Variants in BABAM2 observed in about 807,000 individuals in gnomAD.
BABAM2 encodes the protein BRISC and BRCA1-A complex member 2.
A neutral mutation model predicts 54.7 loss-of-function variants in BABAM2; 31 were observed. That is an observed-to-expected ratio of 0.57 (90% confidence interval 0.43 to 0.77). BABAM2 has a LOEUF of 0.77. BABAM2 is among the 30% of genes least tolerant of loss of function. BABAM2 has a pLI of 0.00. For synonymous variants in BABAM2, 167 were observed against 162.9 expected (o/e 1.03, Z -0.19); for missense variants, 364 against 455.8 (o/e 0.80, Z 1.83).
At chr2:27,888,932 T>TCC (rs1664625442), upstream of BABAM2, among the ~76,000 whole-genome samples, 2 of 152,248 alleles carry the variant, frequency 1.3e-5, no homozygotes, top group Non-Finnish European at 2.9e-5. Flanking sequence ...CTAGATTCAA[T>TCC]TTTATGCTCT....
intron 7 of BABAM2, among the ~76,000 whole-genome samples, chr2:28,236,340 ATTTCTTTTTTTTTTTCTTTT>A (rs1273968921): frequency 6.7e-6 from 1 of 149,620 alleles, no homozygotes; most frequent in Non-Finnish European, 1.5e-5. Flanking sequence ...GAAAAAAAGA[ATTTCTTTTTTTTTTTCTTTT>A]TTTCTTTTTT....
At chr2:28,203,241 C>G (rs1253341846) in intron 7 of BABAM2, among the ~76,000 whole-genome samples, 1 of 152,202 alleles carries the variant, frequency 6.6e-6, no homozygotes, top group Admixed American at 6.5e-5. Context: ...AAGAAAAGGA[C>G]TCACTTTACT....
chr2:28,019,133 G>A (rs1675069066), intron 4 of BABAM2, among the ~76,000 whole-genome samples: 1 of 152,064 alleles, frequency 6.6e-6, no homozygotes, highest in Non-Finnish European at 1.5e-5. Flanking sequence ...AGCTTTCTGA[G>A]AATGATAGCT....
chr2:27,900,760 T>G (rs1665721182), intron 2 of BABAM2, among the ~76,000 whole-genome samples: 1 of 152,148 alleles, frequency 6.6e-6, no homozygotes, highest in South Asian at 2.1e-4. Context: ...GAAATTATAG[T>G]AGGCCGGGCG....
At chr2:28,204,087 A>AT (rs1243104353) in intron 7 of BABAM2, among the ~76,000 whole-genome samples, 4 of 151,926 alleles carry the variant, frequency 2.6e-5, no homozygotes, top group South Asian at 4.2e-4. Flanking sequence ...TTCCCCTTCT[A>AT]TTTTTTTAAC....
intron 7 of BABAM2, among the ~76,000 whole-genome samples, chr2:28,189,215 A>G (rs1019667501): frequency 2.0e-5 from 3 of 151,642 alleles, no homozygotes; most frequent in Non-Finnish European, 2.9e-5. Context: ...AAAAAAAAGG[A>G]TTTCTCTTCT....
chr2:28,186,695 AGAAGC>A (rs1228566875), intron 7 of BABAM2, among the ~76,000 whole-genome samples: 4 of 152,090 alleles, frequency 2.6e-5, no homozygotes, highest in East Asian at 1.9e-4. Flanking sequence ...GAGAAAATGG[AGAAGC>A]GAAGCGAAGC....
chr2:28,111,716 C>T (rs1034768597), intron 6 of BABAM2, among the ~76,000 whole-genome samples: 1 of 152,142 alleles, frequency 6.6e-6, no homozygotes, highest in African/African-American at 2.4e-5. Context: ...TCCTCTAAGC[C>T]AGTGCTTCTT....
chr2:28,298,312 T>C, intron 10 of BABAM2, 26 bp from the exon 11 acceptor site: 1 of 1,607,630 alleles, frequency 6.2e-7, no homozygotes, highest in Non-Finnish European at 8.5e-7. Flanking sequence ...GCTCTAACTT[T>C]CTTTTTCTTT....
chr2:28,126,968 T>C (rs1289721516), intron 6 of BABAM2, among the ~76,000 whole-genome samples: 1 of 150,918 alleles, frequency 6.6e-6, no homozygotes, highest in African/African-American at 2.4e-5. Context: ...TTCATGTCCT[T>C]CGCCCACTTT....
chr2:28,069,628 G>A (rs1012734995), intron 6 of BABAM2, among the ~76,000 whole-genome samples: 1 of 152,126 alleles, frequency 6.6e-6, no homozygotes, highest in Non-Finnish European at 1.5e-5. Flanking sequence ...ATTGACTGCC[G>A]AGTAAATGCA....
At chr2:28,015,978 T>C in intron 4 of BABAM2, 1 of 591,898 alleles carries the variant, frequency 1.7e-6, no homozygotes, top group Admixed American at 2.5e-5. Context: ...TAATGTCCTT[T>C]TCTTTCTCAG....
intron 11 of BABAM2, among the ~76,000 whole-genome samples, chr2:28,328,281 G>T (rs559003194): frequency 6.8e-4 from 103 of 152,282 alleles, no homozygotes; most frequent in African/African-American, 2.3e-3. Flanking sequence ...TTACAGGACT[G>T]CTTTGATTTT....
chr2:28,025,693 T>C (rs1240374212), intron 5 of BABAM2, among the ~76,000 whole-genome samples: 1 of 152,188 alleles, frequency 6.6e-6, no homozygotes, highest in Non-Finnish European at 1.5e-5. Flanking sequence ...GGCCTGCACG[T>C]GCTACCAGCC....
chr2:27,929,014 G>A (rs1376221716), intron 2 of BABAM2, among the ~76,000 whole-genome samples: 6 of 144,002 alleles, frequency 4.2e-5, no homozygotes, highest in Admixed American at 2.1e-4. Flanking sequence ...CCAGGAGTTC[G>A]AGACCACCCT....
intron 10 of BABAM2, among the ~76,000 whole-genome samples, chr2:28,258,132 G>T (rs777233186): frequency 1.3e-5 from 2 of 150,798 alleles, no homozygotes; most frequent in Admixed American, 6.6e-5. Flanking sequence ...AGCTGAGATC[G>T]CACCACTGCA....
In BABAM2 at chr2:27,988,212, C is replaced by G; in HGVS notation, c.300+125C>G. The G allele has an allele frequency of 3.5e-6, 3 of 861,946 alleles. No individual in the cohort carries two copies. In the South Asian group the frequency reaches 4.4e-5, roughly 13 times the overall value. The allele number at this position is 861,946 out of a possible 1,614,324, so 53.4% of individuals were successfully genotyped here. ...CATTTTTTTCCCACCCCTCTTTTCT[C>G]TGTCCTGTGAAATAGATGGAACTCT... is the stretch of plus-strand genomic sequence containing the variant. On this transcript the variant is annotated intron_variant, in intron 4 of 11. Transcript: ENST00000379624.
chr2:28,051,886 G>A (rs1310321533), intron 6 of BABAM2, among the ~76,000 whole-genome samples: 1 of 152,098 alleles, frequency 6.6e-6, no homozygotes, highest in African/African-American at 2.4e-5. Flanking sequence ...CTGACCTCAG[G>A]TGATCCACCC....
chr2:28,131,822 G>A (rs1173924509), intron 7 of BABAM2, among the ~76,000 whole-genome samples: 1 of 152,140 alleles, frequency 6.6e-6, no homozygotes, highest in Admixed American at 6.5e-5. Flanking sequence ...TGTAACTAAT[G>A]AGTTAAATTA....
Sources: allele counts gnomAD v4.1 joint callset (sites outside exome capture counted in the v4.1 genomes callset), GRCh38; gene constraint gnomAD v4.1.1; transcripts MANE v1.5; gene names NCBI Gene and HGNC (gene_info 2026-07-23, HGNC 2026-07-21).